KCNB2: variants seen among roughly 807,000 people sequenced by gnomAD.
KCNB2 encodes the protein potassium voltage-gated channel subfamily B member 2, also known as delayed rectifier potassium channel protein.
KCNB2 carries 15 observed loss-of-function variants against 61.5 expected under a neutral mutation model. That is an observed-to-expected ratio of 0.24 (90% CI 0.16 to 0.38). The LOEUF is 0.38. KCNB2 is among the 10% of genes least tolerant of loss of function. The pLI is 1.00. For missense variants in KCNB2, 828 were observed against 1,125.2 expected (o/e 0.74, Z 3.78); for synonymous variants, 457 against 446.0 (o/e 1.02, Z -0.31).
intron 1 of KCNB2, among the ~76,000 whole-genome samples, chr8:72,557,854 G>A (rs1806452415): frequency 1.3e-5 from 2 of 152,146 alleles, no homozygotes; most frequent in Admixed American, 6.5e-5. Flanking sequence ...TGTACAAGTT[G>A]TTCTCTACCT....
intron 2 of KCNB2, among the ~76,000 whole-genome samples, chr8:72,704,663 A>G (rs1347539559): frequency 6.6e-6 from 1 of 152,130 alleles, no homozygotes; most frequent in Non-Finnish European, 1.5e-5. Context: ...AGTAGGCTTC[A>G]AGATAAATCA....
At chr8:72,725,587 GTATGTA>G (rs1563572029) in intron 2 of KCNB2, among the ~76,000 whole-genome samples, 1 of 25,220 alleles carries the variant, frequency 4.0e-5, no homozygotes, top group East Asian at 1.4e-3. Flanking sequence ...ATATATATAT[GTATGTA>G]TATATATATA....
intron 1 of KCNB2, among the ~76,000 whole-genome samples, chr8:72,540,383 A>G (rs1267969953): frequency 6.6e-6 from 1 of 152,178 alleles, no homozygotes; most frequent in East Asian, 1.9e-4. Context: ...ATTTGTTTAT[A>G]TTCTTCAGAT....
At chr8:72,826,864 C>G (rs1809604048) in intron 2 of KCNB2, among the ~76,000 whole-genome samples, 1 of 152,204 alleles carries the variant, frequency 6.6e-6, no homozygotes, top group African/African-American at 2.4e-5. Flanking sequence ...TGCACAATTT[C>G]TGTGCCATTT....
chr8:72,825,507 AC>A (rs1344391339), intron 2 of KCNB2, among the ~76,000 whole-genome samples: 4 of 152,120 alleles, frequency 2.6e-5, no homozygotes, highest in Non-Finnish European at 1.5e-5. Flanking sequence ...TGTTATGTTC[AC>A]CCCAGTAGTA....
chr8:72,600,513 C>A (rs1408352835), intron 2 of KCNB2, among the ~76,000 whole-genome samples: 5 of 151,664 alleles, frequency 3.3e-5, no homozygotes, highest in Non-Finnish European at 7.4e-5. Flanking sequence ...TTAATGGGTG[C>A]AGCACACTAA....
At chr8:72,592,995 T>A (rs1807126042) in intron 2 of KCNB2, among the ~76,000 whole-genome samples, 1 of 152,176 alleles carries the variant, frequency 6.6e-6, no homozygotes, top group Non-Finnish European at 1.5e-5. Context: ...CTTTTTGAAT[T>A]TGAGCTACTT....
chr8:72,741,379 A>G (rs999932181), intron 2 of KCNB2, among the ~76,000 whole-genome samples: 1 of 152,178 alleles, frequency 6.6e-6, no homozygotes, highest in East Asian at 1.9e-4. Flanking sequence ...CTGCCCAGGT[A>G]GAATTAGTGA....
At chr8:72,818,197 A>G (rs1350784419) in intron 2 of KCNB2, among the ~76,000 whole-genome samples, 2 of 152,154 alleles carry the variant, frequency 1.3e-5, no homozygotes, top group Non-Finnish European at 2.9e-5. Context: ...ATCTTTAAAG[A>G]AAAAAATTAT....
intron 2 of KCNB2, among the ~76,000 whole-genome samples, chr8:72,688,854 G>C (rs1806897537): frequency 6.6e-6 from 1 of 152,104 alleles, no homozygotes; most frequent in Admixed American, 6.6e-5. Context: ...AGCCTCCCAA[G>C]TAGCTGGGAC....
chr8:72,828,278 A>G (rs962708075), intron 2 of KCNB2, among the ~76,000 whole-genome samples: 2 of 152,220 alleles, frequency 1.3e-5, no homozygotes, highest in East Asian at 1.9e-4. Context: ...TGGAATTTCA[A>G]TATGATTCTG....
intron 2 of KCNB2, among the ~76,000 whole-genome samples, chr8:72,865,270 A>G (rs1298349375): frequency 1.3e-5 from 2 of 151,666 alleles, no homozygotes; most frequent in Non-Finnish European, 2.9e-5. Flanking sequence ...TTGGCCCCCA[A>G]AGGCTTGGGA....
intron 2 of KCNB2, among the ~76,000 whole-genome samples, chr8:72,653,876 T>G (rs1387979167): frequency 6.6e-6 from 1 of 152,172 alleles, no homozygotes; most frequent in Non-Finnish European, 1.5e-5. Flanking sequence ...GCTGAGAAAT[T>G]TAATTTGGTT....
intron 2 of KCNB2, among the ~76,000 whole-genome samples, chr8:72,728,238 A>T (rs117722868): frequency 1.3e-5 from 2 of 152,276 alleles, no homozygotes; most frequent in East Asian, 3.9e-4. Flanking sequence ...CGTTAACCCC[A>T]TGTATTGTTG....
intron 2 of KCNB2, among the ~76,000 whole-genome samples, chr8:72,743,986 CA>C (rs1373871080): frequency 2.6e-5 from 4 of 152,086 alleles, no homozygotes; most frequent in African/African-American, 9.7e-5. Context: ...ATTTCTTTAT[CA>C]GATTTTGTAT....
chr8:72,734,976 A>G (rs781316728), intron 2 of KCNB2, among the ~76,000 whole-genome samples: 6 of 152,170 alleles, frequency 3.9e-5, no homozygotes, highest in Non-Finnish European at 7.4e-5. Flanking sequence ...TGCAGGGGGA[A>G]TTTGATAGGT....
chr8:72,669,852 C>G (rs1806534428), intron 2 of KCNB2, among the ~76,000 whole-genome samples: 1 of 152,182 alleles, frequency 6.6e-6, no homozygotes, highest in African/African-American at 2.4e-5. Context: ...TTTTCCAGCC[C>G]TCATATATTT....
At chr8:72,600,358 C>G (rs1368567089) in intron 2 of KCNB2, among the ~76,000 whole-genome samples, 2 of 152,050 alleles carry the variant, frequency 1.3e-5, no homozygotes, top group South Asian at 2.1e-4. Context: ...AAAACAAACA[C>G]TGCATGTTCT....
chr8:72,625,521 C>T (rs981542768), intron 2 of KCNB2, among the ~76,000 whole-genome samples: 3 of 152,092 alleles, frequency 2.0e-5, no homozygotes, highest in African/African-American at 7.2e-5. Flanking sequence ...GCCTTGACCT[C>T]CTGGGCTCGG....
Sources: gnomAD v4.1 joint callset for allele counts (sites outside exome capture counted in the v4.1 genomes callset) on GRCh38, gnomAD v4.1.1 for gene constraint, MANE v1.5 for transcripts, NCBI Gene and HGNC (gene_info 2026-07-23, HGNC 2026-07-21) for gene names.